The following FKBP15 variants were observed in gnomAD, a reference collection of about 807,000 sequenced individuals.
FKBP15 encodes the protein FKBP prolyl isomerase family member 15.
Under a neutral mutation model 158.1 loss-of-function variants are expected in FKBP15, and 106 were observed. The observed-to-expected ratio is 0.67, with a 90% confidence interval of 0.57 to 0.79. FKBP15 has a LOEUF of 0.79. Ranked by LOEUF, FKBP15 falls within the 30% of genes least tolerant of loss-of-function variation. The probability of loss-of-function intolerance (pLI) is 0.00; values close to 1 mark genes in which losing one functional copy is unlikely to be tolerated. For missense variants in FKBP15, 1,287 were observed against 1,479.1 expected (o/e 0.87, Z 2.13); for synonymous variants, 547 against 548.6 (o/e 1.00, Z 0.04).
Position 113,162,794 on chromosome 9 carries a change from G to C in FKBP15, c.*3284C>G. On this transcript the variant is annotated 3_prime_UTR_variant, in exon 28 of 28. Transcript: ENST00000238256. ...GCCAGTCTCTAATCCATGTCATCCA[G>C]GTGGTCATCGGCTACTTCATCATGC... 1 of 1,613,818 alleles carries C rather than the reference G, an allele frequency of 6.2e-7. No homozygotes were observed. Among genetic ancestry groups the C allele is most frequent in the Non-Finnish European group, 8.5e-7 (1 of 1,179,826 alleles).
intron 1 of FKBP15, among the ~76,000 whole-genome samples, chr9:113,212,329 C>T (rs1237524874): frequency 2.0e-5 from 3 of 152,160 alleles, no homozygotes; most frequent in Non-Finnish European, 4.4e-5. Context: ...GCTGGGACTA[C>T]AGGCGCGTGT....
chr9:113,186,571 A>C (rs1380864056), intron 14 of FKBP15: 2 of 527,298 alleles, frequency 3.8e-6, no homozygotes, highest in Non-Finnish European at 6.8e-6. Flanking sequence ...AGTCACTAAA[A>C]TCCTACCCAG....
chr9:113,181,728 A>G (rs1262367699), intron 19 of FKBP15, among the ~76,000 whole-genome samples: 1 of 152,214 alleles, frequency 6.6e-6, no homozygotes, highest in Admixed American at 6.5e-5. Flanking sequence ...CCCTTTATAA[A>G]GAAAAAACAA....
Position 113,184,357 on chromosome 9 carries a change from T to G in FKBP15, c.1651A>C (p.Ile551Leu), listed in dbSNP as rs1443559822. 6.2e-7 allele frequency: 1 copy of G among 1,607,672 alleles called. No homozygotes were observed. The highest frequency in any genetic ancestry group is 2.2e-5 in the East Asian group (1 of 44,790). The change falls in exon 17 of 28, where the codon ATT (isoleucine) becomes CTT (leucine). Residue 551 changes from isoleucine to leucine, a missense_variant. By Grantham distance (5) the Ile-to-Leu change is conservative. Coordinates refer to ENST00000238256, the MANE Select transcript of FKBP15 (RefSeq NM_015258.2). The surrounding 1 kb of genome is among the most constrained non-coding windows in gnomAD (Gnocchi z 4.5). ...QKHSAGNSML[I>L]PSMSVTMETS... ...TCCATTGTAACTGACATGCTAGGAA[T>G]AAGCATGGAATTGCCAGCACTATGT...
In FKBP15 at chr9:113,183,846, C is replaced by T. The variant is rs1325364088; in HGVS notation, c.1717-1G>A. 1 of 1,608,672 alleles carries T rather than the reference C, an allele frequency of 6.2e-7. No homozygotes were observed. Among genetic ancestry groups the T allele is most frequent in the Non-Finnish European group, 8.5e-7 (1 of 1,175,796 alleles). The stretch of plus-strand genomic sequence containing the variant: ...TCTCTTGCTTCAATCTTTCATTTTC[C>T]TAATTTCAAAATATATGATGTACAA... On this transcript the variant is annotated splice_acceptor_variant, in intron 17 of 27. Coordinates refer to ENST00000238256, the MANE Select transcript of FKBP15 (RefSeq NM_015258.2). LOFTEE classifies it high-confidence loss of function.
chr9:113,198,880 T>G lies in FKBP15; in HGVS notation c.692A>C (p.Lys231Thr). The stretch of plus-strand genomic sequence containing the variant: ...CTTGATGACTTTTCCTGATCCTAAC[T>G]TCAAGCGAAGCAACTTATCTTTGTT... Reference protein sequence around the residue: ...TANKDKLLRLKLGSGKVIKGW... With the variant: ...TANKDKLLRLTLGSGKVIKGW... Residue 231 changes from lysine to threonine, a missense_variant, in exon 8 of 28, where the codon AAG becomes ACG. Coordinates refer to ENST00000238256, the MANE Select transcript of FKBP15 (RefSeq NM_015258.2). This position sits in a 1 kb window ranked among gnomAD's most constrained non-coding sequence, Gnocchi z 5.2. 3 of 1,605,630 alleles carry G rather than the reference T, an allele frequency of 1.9e-6. No homozygotes were observed. Among genetic ancestry groups the G allele is most frequent in the Non-Finnish European group, 2.6e-6 (3 of 1,175,696 alleles).
chr9:113,184,247 G>T lies in FKBP15; in HGVS notation c.1716+45C>A. On this transcript the variant is annotated intron_variant, in intron 17 of 27. Transcript: ENST00000238256. The surrounding 1 kb of genome is among the most constrained non-coding windows in gnomAD (Gnocchi z 4.5). ...AGTAGTACCTCTGAGAAGAGAGGAT[G>T]GGTAAGACCTTCAGCCTGAGTGGTA... 2 of 1,337,044 alleles carry T rather than the reference G, an allele frequency of 1.5e-6. No homozygotes were observed. The highest frequency in any genetic ancestry group is 1.3e-5 in the South Asian group (1 of 79,774). The allele number at this position is 1,337,044 out of a possible 1,614,324, so 82.8% of individuals were successfully genotyped here.
chr9:113,215,689 G>A lies in FKBP15; in HGVS notation c.54-4097C>T, dbSNP rs1480547930. On this transcript the variant is annotated intron_variant, in intron 1 of 27. Coordinates refer to ENST00000238256, the MANE Select transcript of FKBP15 (RefSeq NM_015258.2). ...TTTTGAGATGCAGTCTCACTCTGTCGCCCAGGCAGGAGTGCAGTGGCCCAA... is the reference window on the plus strand; with the variant it reads ...TTTTGAGATGCAGTCTCACTCTGTCACCCAGGCAGGAGTGCAGTGGCCCAA... 8.3e-5 allele frequency among the ~76,000 whole-genome samples: 10 copies of A among 120,602 alleles called. No individual in the cohort carries two copies. The South Asian group carries it at 1.4e-3, about 17-fold the overall frequency. The allele number at this position is 120,602 out of a possible 152,430, so 79.1% of individuals were successfully genotyped here.
chr9:113,212,870 G>A (rs1831039085), intron 1 of FKBP15, among the ~76,000 whole-genome samples: 2 of 152,130 alleles, frequency 1.3e-5, no homozygotes, highest in South Asian at 4.1e-4. Flanking sequence ...TCCCAGCCCA[G>A]AACTTGCTCT....
chr9:113,163,102 C>G lies in FKBP15; in HGVS notation c.*2976G>C. On this transcript the variant is annotated 3_prime_UTR_variant, in exon 28 of 28. Transcript: ENST00000238256. ...GGAAGCCATTGCAGCAACCTTCCTT[C>G]TCAGCCAGCCTACGTAGGGCCCAGG... is the stretch of plus-strand genomic sequence containing the variant. 2 of 539,702 alleles carry G rather than the reference C, an allele frequency of 3.7e-6. 1 individual carries two copies. The highest frequency in any genetic ancestry group is 5.4e-5 in the South Asian group (2 of 37,050). 33.4% of individuals were successfully genotyped at this position (539,702 alleles called of 1,614,324 possible).
chr9:113,207,913 C>A (rs1004560090), intron 2 of FKBP15, among the ~76,000 whole-genome samples: 3 of 152,100 alleles, frequency 2.0e-5, no homozygotes, highest in African/African-American at 7.2e-5. Context: ...AAGTGATAGT[C>A]CATCTATTTT....
In FKBP15 at chr9:113,161,351, G is replaced by A; in HGVS notation, c.*4727C>T. 2.9e-6 allele frequency: 2 copies of A among 681,210 alleles called. No individual in the cohort carries two copies. Among genetic ancestry groups the A allele is most frequent in the Non-Finnish European group, 2.5e-6 (1 of 402,402 alleles). The allele number at this position is 681,210 out of a possible 1,614,324, so 42.2% of individuals were successfully genotyped here. A position where few individuals can be genotyped will look rare whatever the true frequency, so the allele number is the denominator to read the frequency against. ...CAAAGCCACACTCCAGCTAAGAAAA[G>A]TCTGGTGAAGACAGTGAAGAAGTTC... On this transcript the variant is annotated 3_prime_UTR_variant, in exon 28 of 28. Transcript: ENST00000238256.
rs1658698549 is a variant in FKBP15 at position 113,162,562 on chromosome 9, T to G, written c.*3516A>C. 2.3e-6 allele frequency: 1 copy of G among 443,538 alleles called. No individual in the cohort carries two copies. The highest frequency in any genetic ancestry group is 5.5e-5 in the Admixed American group (1 of 18,234). 27.5% of individuals were successfully genotyped at this position (443,538 alleles called of 1,614,324 possible). A position where few individuals can be genotyped will look rare whatever the true frequency, so the allele number is the denominator to read the frequency against. On this transcript the variant is annotated 3_prime_UTR_variant, in exon 28 of 28. Coordinates refer to ENST00000238256, the MANE Select transcript of FKBP15 (RefSeq NM_015258.2). ...TAGTGAAGATATGTCTCTTTAAAAA[T>G]AAATCTCGAGTTTTTTCTGGGGGCG...
At position 113,161,444 on chromosome 9, in the gene FKBP15, G is replaced by A; in HGVS notation, c.*4634C>T. ...GATGGAGTGGATTCCATGAACAGGT[G>A]GAGGTGCTGGAAGGGAAACAGTGCT... is the stretch of plus-strand genomic sequence containing the variant. On this transcript the variant is annotated 3_prime_UTR_variant, in exon 28 of 28. Coordinates refer to ENST00000238256, the MANE Select transcript of FKBP15 (RefSeq NM_015258.2). 3 of 1,421,932 alleles carry A rather than the reference G, an allele frequency of 2.1e-6. No homozygotes were observed. The highest frequency in any genetic ancestry group is 9.9e-7 in the Non-Finnish European group (1 of 1,012,608). 88.1% of individuals were successfully genotyped at this position (1,421,932 alleles called of 1,614,324 possible).
rs1371478744 is a variant in FKBP15 at position 113,162,860 on chromosome 9, G to A, written c.*3218C>T. On this transcript the variant is annotated 3_prime_UTR_variant, in exon 28 of 28. Coordinates refer to ENST00000238256, the MANE Select transcript of FKBP15 (RefSeq NM_015258.2). ...ACAACACCTGGATTTTCCTTGGTGTGGTCTTGGGCTCTGCTGTGGGCTACT... is the reference window on the plus strand; with the variant it reads ...ACAACACCTGGATTTTCCTTGGTGTAGTCTTGGGCTCTGCTGTGGGCTACT... 2 of 1,613,360 alleles carry A rather than the reference G, an allele frequency of 1.2e-6. No individual in the cohort carries two copies. Among genetic ancestry groups the A allele is most frequent in the Admixed American group, 3.3e-5 (2 of 59,984 alleles).
chr9:113,200,913 G>A (rs1322437348), intron 6 of FKBP15, among the ~76,000 whole-genome samples: 2 of 151,866 alleles, frequency 1.3e-5, no homozygotes, highest in Non-Finnish European at 2.9e-5. Context: ...GAGTGGTGGT[G>A]TGCGCCTGTA....
intron 20 of FKBP15, 26 bp from the exon 21 acceptor site, chr9:113,176,699 C>A (rs750508426): frequency 1.9e-6 from 3 of 1,604,048 alleles, no homozygotes; most frequent in Admixed American, 3.4e-5. Context: ...AGAGAGACTT[C>A]GCTACAGAAC....
intron 11 of FKBP15, among the ~76,000 whole-genome samples, 172 bp downstream of exon 11, chr9:113,193,320 G>A (rs1194461054): frequency 6.6e-6 from 1 of 152,032 alleles, no homozygotes; most frequent in Non-Finnish European, 1.5e-5. Context: ...CAGCACACTA[G>A]GAGTGAGGGA....
At chr9:113,181,312 T>A (rs960214091) in intron 19 of FKBP15, among the ~76,000 whole-genome samples, 3 of 152,210 alleles carry the variant, frequency 2.0e-5, no homozygotes, top group Non-Finnish European at 4.4e-5. Context: ...ATTCAGGGGC[T>A]GGCAAACTAT....
Sources: gnomAD v4.1 joint callset for allele counts (sites outside exome capture counted in the v4.1 genomes callset) on GRCh38, gnomAD v4.1.1 for gene constraint, Gnocchi (gnomAD v3.1) non-coding constraint, MANE v1.5 for transcripts, NCBI Gene and HGNC (gene_info 2026-07-23, HGNC 2026-07-21) for gene names.